FAAH: variants seen among roughly 807,000 people sequenced by gnomAD.
FAAH encodes fatty acid amide hydrolase.
In FAAH, 63 loss-of-function variants were observed where a neutral mutation model predicts 69.7. The observed-to-expected ratio is 0.90, with a 90% CI of 0.74 to 1.12. The LOEUF (loss-of-function observed/expected upper bound fraction) is 1.12, where lower values mean the gene tolerates loss of function less well. FAAH is among the 50% of genes most tolerant of loss of function. FAAH has a pLI of 0.00. For missense variants in FAAH, 680 were observed against 755.0 expected, an observed-to-expected ratio of 0.90 and a Z score of 1.16; for synonymous variants, 305 against 324.2, an observed-to-expected ratio of 0.94 and a Z score of 0.64.
chr1:46,411,498 G>A lies in FAAH; in HGVS notation c.1317-114G>A. The stretch of plus-strand genomic sequence containing the variant: ...ACTTCCCTCTCAGAGCTCCCATGGG[G>A]TTGTGAAGGGTCCACGGAGGGGTGA... On this transcript the variant is annotated intron_variant, in intron 11 of 14. Coordinates refer to ENST00000243167, the MANE Select transcript of FAAH (RefSeq NM_001441.3). This position sits in a 1 kb window ranked among gnomAD's most constrained non-coding sequence, Gnocchi z 4.8. 3 of 1,125,296 alleles carry A rather than the reference G, an allele frequency of 2.7e-6. No individual in the cohort carries two copies. Among genetic ancestry groups the A allele is most frequent in the Non-Finnish European group, 4.0e-6 (3 of 754,650 alleles). 69.7% of individuals were successfully genotyped at this position (1,125,296 alleles called of 1,614,324 possible). A position where few individuals can be genotyped will look rare whatever the true frequency, so the allele number is the denominator to read the frequency against.
chr1:46,410,418 C>T lies in FAAH; in HGVS notation c.1196C>T (p.Pro399Leu). The T allele has an allele frequency of 1.2e-6, 2 of 1,614,124 alleles. No individual in the cohort carries two copies. The highest frequency in any genetic ancestry group is 1.7e-6 in the Non-Finnish European group (2 of 1,180,002). ...LQNFKGDFVDPCLGDLVSILK... is the reference protein window; with the variant it reads ...LQNFKGDFVDLCLGDLVSILK... ...CCCAGCAAAGGTGATTTCGTGGACC[C>T]CTGCCTGGGGGACCTGGTCTCAATT... is the stretch of plus-strand genomic sequence containing the variant. Residue 399 changes from proline to leucine, a missense_variant, in exon 10 of 15, where the codon CCC (proline) becomes CTC (leucine). Coordinates refer to ENST00000243167, the MANE Select transcript of FAAH (RefSeq NM_001441.3). This position sits in a 1 kb window ranked among gnomAD's most constrained non-coding sequence, Gnocchi z 4.9.
intron 1 of FAAH, among the ~76,000 whole-genome samples, chr1:46,398,429 G>C (rs1313217003): frequency 6.6e-6 from 1 of 152,202 alleles, no homozygotes; most frequent in Admixed American, 6.5e-5. Flanking sequence ...TGAATCACAA[G>C]GGGGCACCTG....
Position 46,405,260 on chromosome 1 carries a change from C to T in FAAH, c.444+112C>T, listed in dbSNP as rs1664770383. The T allele has an allele frequency of 6.2e-7, 1 of 1,608,656 alleles. No homozygotes were observed. The highest frequency in any genetic ancestry group is 8.5e-7 in the Non-Finnish European group (1 of 1,178,816). On this transcript the variant is annotated intron_variant, in intron 3 of 14. Transcript: ENST00000243167. The surrounding 1 kb of genome is among the most constrained non-coding windows in gnomAD (Gnocchi z 4.1). ...AGGAGGTATCAGGTCCAGAGGCCTT[C>T]CGAGGGGACACTGGTATACCTGTTT...
At chr1:46,398,086 AC>A (rs1664631446) in intron 1 of FAAH, among the ~76,000 whole-genome samples, 1 of 151,834 alleles carries the variant, frequency 6.6e-6, no homozygotes, top group Non-Finnish European at 1.5e-5. Context: ...GGTGCCTGCC[AC>A]CATGCCCGGC....
At chr1:46,408,730 T>A in intron 8 of FAAH, 146 bp downstream of exon 8, 1 of 1,260,028 alleles carries the variant, frequency 7.9e-7, no homozygotes, top group Non-Finnish European at 1.1e-6. Flanking sequence ...GACAAGTATA[T>A]AGAGGGCTGA....
chr1:46,407,835 G>A (rs373996353), intron 7 of FAAH, among the ~76,000 whole-genome samples: 1 of 152,194 alleles, frequency 6.6e-6, no homozygotes, highest in African/African-American at 2.4e-5. Flanking sequence ...TCCAGCGATT[G>A]TCTATCTTGT....
At chr1:46,396,068 G>A (rs1664592010) in intron 1 of FAAH, among the ~76,000 whole-genome samples, 1 of 152,166 alleles carries the variant, frequency 6.6e-6, no homozygotes, top group Non-Finnish European at 1.5e-5. Flanking sequence ...CCATCTCGGT[G>A]AGGGGGATGT....
Position 46,405,967 on chromosome 1 carries a change from C to A in FAAH, c.786-71C>A. On this transcript the variant is annotated intron_variant, in intron 5 of 14. Coordinates refer to ENST00000243167, the MANE Select transcript of FAAH (RefSeq NM_001441.3). The surrounding 1 kb of genome is among the most constrained non-coding windows in gnomAD (Gnocchi z 4.1). ...TTTCCAAAGCGGTGAGTGTTCAGAG[C>A]TGCTCTGTGGGTGTGGGGATGGCGG... The A allele has an allele frequency of 6.2e-7, 1 of 1,613,542 alleles. No individual in the cohort carries two copies. The highest frequency in any genetic ancestry group is 8.5e-7 in the Non-Finnish European group (1 of 1,179,904).
At chr1:46,406,474 A>T in intron 7 of FAAH, 106 bp downstream of exon 7, 1 of 1,494,566 alleles carries the variant, frequency 6.7e-7, no homozygotes. Flanking sequence ...ACCGTCCCCC[A>T]GGCCTCTGAG....
At position 46,411,377 on chromosome 1, in the gene FAAH, G is replaced by T. The variant is rs1196947850; in HGVS notation, c.1317-235G>T. Among the ~76,000 whole-genome samples, 1 of 152,208 alleles carries T rather than the reference G, an allele frequency of 6.6e-6. No individual in the cohort carries two copies. The highest frequency in any genetic ancestry group is 2.1e-4 in the South Asian group (1 of 4,838). On this transcript the variant is annotated intron_variant, in intron 11 of 14. Coordinates refer to ENST00000243167, the MANE Select transcript of FAAH (RefSeq NM_001441.3). This position sits in a 1 kb window ranked among gnomAD's most constrained non-coding sequence, Gnocchi z 4.8. ...CGTGTCCTGAGGGTAGCGAGGAATCGGGCCTGGGCTAGTCCTGGCTCTGCT... is the reference window on the plus strand; with the variant it reads ...CGTGTCCTGAGGGTAGCGAGGAATCTGGCCTGGGCTAGTCCTGGCTCTGCT...
At chr1:46,406,765 C>T (rs1346672157) in intron 7 of FAAH, among the ~76,000 whole-genome samples, 1 of 151,394 alleles carries the variant, frequency 6.6e-6, no homozygotes, top group Non-Finnish European at 1.5e-5. Flanking sequence ...CCACGCCCGG[C>T]TAATTTTTTT....
rs898788052 is a variant in FAAH, at chr1:46,410,978, AG to A, written c.1316+130del. On this transcript the variant is annotated intron_variant, in intron 11 of 14. Coordinates refer to ENST00000243167, the MANE Select transcript of FAAH (RefSeq NM_001441.3). This position sits in a 1 kb window ranked among gnomAD's most constrained non-coding sequence, Gnocchi z 4.9. ...CTCTGAGGCTGGAAGTGGCCCAGGCAGGGGGGCAACCTTTGTGGCCTTCAGA... is the reference window on the plus strand; with the variant it reads ...CTCTGAGGCTGGAAGTGGCCCAGGCAGGGGGCAACCTTTGTGGCCTTCAGA... The A allele has an allele frequency of 1.2e-5, 14 of 1,197,976 alleles. No homozygotes were observed. In the African/African-American group the frequency reaches 1.9e-4, roughly 17 times the overall value. 74.2% of individuals were successfully genotyped at this position (1,197,976 alleles called of 1,614,324 possible).
At chr1:46,403,691 A>T (rs1664743688) in intron 2 of FAAH, among the ~76,000 whole-genome samples, 1 of 152,196 alleles carries the variant, frequency 6.6e-6, no homozygotes, top group Non-Finnish European at 1.5e-5. Context: ...CCCCTGGCTG[A>T]GCCTTCGGGG....
Position 46,410,574 on chromosome 1 carries a change from C to T in FAAH, c.1275+77C>T. The T allele has an allele frequency of 7.4e-7, 1 of 1,344,102 alleles. No homozygotes were observed. Among genetic ancestry groups the T allele is most frequent in the Admixed American group, 1.7e-5 (1 of 58,014 alleles). 83.3% of individuals were successfully genotyped at this position (1,344,102 alleles called of 1,614,324 possible). A position where few individuals can be genotyped will look rare whatever the true frequency, so the allele number is the denominator to read the frequency against. On this transcript the variant is annotated intron_variant, in intron 10 of 14. Coordinates refer to ENST00000243167, the MANE Select transcript of FAAH (RefSeq NM_001441.3). The surrounding 1 kb of genome is among the most constrained non-coding windows in gnomAD (Gnocchi z 4.9). ...CCTCCTATCGCATGATCCCCCATGG[C>T]CTCCCTCAGCCTCTCTTGGTTTGGG...
rs2148453725 is a variant in FAAH at position 46,411,889 on chromosome 1, C to T, written c.1356+238C>T. ...CTCCTGTCCTGGCCGCCTTTTTGCC[C>T]CTCTGGAGCTGCCTTTGTGTGGCTC... On this transcript the variant is annotated intron_variant, in intron 12 of 14. Transcript: ENST00000243167. The surrounding 1 kb of genome is among the most constrained non-coding windows in gnomAD (Gnocchi z 4.8). 6.6e-6 allele frequency among the ~76,000 whole-genome samples: 1 copy of T among 152,376 alleles called. No homozygotes were observed. The highest frequency in any genetic ancestry group is 6.5e-5 in the Admixed American group (1 of 15,312).
At position 46,399,586 on chromosome 1, in the gene FAAH, G is replaced by A. The variant is rs917434470; in HGVS notation, c.196-2505G>A. Among the ~76,000 whole-genome samples the A allele has an allele frequency of 1.1e-4, 17 of 152,224 alleles. 1 individual carries two copies. Among genetic ancestry groups the A allele is most frequent in the Admixed American group, 9.2e-4 (14 of 15,286 alleles). ...TCTGTGGGCGCCTTGTAGCGAGGTC[G>A]GGGGAGTTGGTGACCGGACTGTCAG... On this transcript the variant is annotated intron_variant, in intron 1 of 14. Coordinates refer to ENST00000243167, the MANE Select transcript of FAAH (RefSeq NM_001441.3).
At chr1:46,397,689 G>A (rs900164029) in intron 1 of FAAH, among the ~76,000 whole-genome samples, 1 of 151,958 alleles carries the variant, frequency 6.6e-6, no homozygotes, top group Non-Finnish European at 1.5e-5. Context: ...AGCCTCCCGA[G>A]TAGCTGGGAT....
chr1:46,407,561 T>C (rs923082036), intron 7 of FAAH, among the ~76,000 whole-genome samples: 2 of 152,108 alleles, frequency 1.3e-5, no homozygotes, highest in African/African-American at 4.8e-5. Flanking sequence ...TATTTTGCTC[T>C]CTTGAGTGTT....
At chr1:46,408,371 G>A (rs1472755044) in intron 7 of FAAH, 88 bp from the exon 8 acceptor site, 9 of 1,583,110 alleles carry the variant, frequency 5.7e-6, no homozygotes, top group Non-Finnish European at 7.8e-6. Context: ...AGCTGTGTCT[G>A]GGGCTGAGTA....
Sources: gnomAD v4.1 joint callset for allele counts (sites outside exome capture counted in the v4.1 genomes callset) on GRCh38, gnomAD v4.1.1 for gene constraint, Gnocchi (gnomAD v3.1) non-coding constraint, MANE v1.5 for transcripts, NCBI Gene and HGNC (gene_info 2026-07-23, HGNC 2026-07-21) for gene names.